The following GLIS3 variants were observed in gnomAD, a reference collection of about 807,000 sequenced individuals.
GLIS3 encodes GLIS family zinc finger 3, also known as zinc finger protein GLIS3.
Under a neutral mutation model 78.6 loss-of-function variants are expected in GLIS3, and 53 were observed. The observed-to-expected ratio is 0.67, with a 90% confidence interval of 0.54 to 0.85. The LOEUF is 0.85. Among genes scored for constraint, GLIS3 ranks in the 40% least tolerant of loss-of-function variants. The pLI, the probability that GLIS3 is intolerant of heterozygous loss-of-function variation, is 0.00. For missense variants in GLIS3, 1,703 were observed against 1,231.1 expected (o/e 1.38, Z -5.74); for synonymous variants, 684 against 509.9 (o/e 1.34, Z -4.60).
At chr9:4,349,893 G>T (rs529142224), upstream of GLIS3, among the ~76,000 whole-genome samples, 3 of 152,176 alleles carry the variant, frequency 2.0e-5, no homozygotes, top group African/African-American at 7.2e-5. Context: ...AGTTGAACTA[G>T]AAATCGATGA....
intron 2 of GLIS3, among the ~76,000 whole-genome samples, chr9:4,333,116 G>T (rs1817708848): frequency 6.6e-6 from 1 of 152,138 alleles, no homozygotes; most frequent in Non-Finnish European, 1.5e-5. Flanking sequence ...GCCAGGTGCT[G>T]CACTCTTATA....
At chr9:4,378,872 G>C in the GLIS3 span, among the ~76,000 whole-genome samples, 1 of 152,176 alleles carries the variant, frequency 6.6e-6, no homozygotes, top group East Asian at 1.9e-4. Flanking sequence ...GGCCGACCTG[G>C]AGACTGATTC....
intron 2 of GLIS3, among the ~76,000 whole-genome samples, chr9:4,332,197 C>G (rs7851175): frequency 6.6e-6 from 1 of 151,954 alleles, no homozygotes; most frequent in Non-Finnish European, 1.5e-5. Context: ...AAGAAAATAC[C>G]CCAATCCAAC....
chr9:4,305,899 T>C (rs971227983), intron 4 of GLIS3: 2 of 152,196 alleles, frequency 1.3e-5, no homozygotes, highest in African/African-American at 4.8e-5. Context: ...AATTTTTTCA[T>C]TTGTACAAGT....
intron 4 of GLIS3, among the ~76,000 whole-genome samples, chr9:3,963,583 T>C (rs1379204742): frequency 2.0e-5 from 3 of 152,180 alleles, no homozygotes; most frequent in Non-Finnish European, 2.9e-5. Flanking sequence ...CATCCTCTAA[T>C]GCAGAGACCA....
Position 4,129,148 on chromosome 9 carries a change from A to G in GLIS3, c.389-3207T>C, listed in dbSNP as rs569601107. ...CAATACAGCCATCTAAGTGTTTTTC[A>G]TAATGCCAGAAACATAATGAACACC... On this transcript the variant is annotated intron_variant, in intron 2 of 10. Coordinates refer to ENST00000381971, the MANE Select transcript of GLIS3 (RefSeq NM_001042413.2). 5.3e-5 allele frequency among the ~76,000 whole-genome samples: 8 copies of G among 152,312 alleles called. No homozygotes were observed. The East Asian group carries it at 1.5e-3, about 29-fold the overall frequency.
intron 4 of GLIS3, among the ~76,000 whole-genome samples, chr9:4,039,191 A>C (rs758735390): frequency 4.6e-5 from 7 of 152,216 alleles, no homozygotes; most frequent in Non-Finnish European, 7.3e-5. Context: ...TTAATAGGGC[A>C]CCTGGTTATT....
intron 6 of GLIS3, among the ~76,000 whole-genome samples, chr9:3,923,791 G>C (rs2130741680): frequency 6.6e-6 from 1 of 152,248 alleles, no homozygotes; most frequent in Admixed American, 6.5e-5. Context: ...TAATGCTGAT[G>C]GGCTATAGCC....
At chr9:4,385,710 GGAGA>G in the GLIS3 span, among the ~76,000 whole-genome samples, 741 of 93,142 alleles carry the variant, frequency 8.0e-3, 103 homozygotes, top group African/African-American at 0.024. Context: ...AACAAAGAAA[GGAGA>G]GAGAGAGAGA....
chr9:4,225,356 A>G (rs771901208), intron 2 of GLIS3, among the ~76,000 whole-genome samples: 25 of 152,168 alleles, frequency 1.6e-4, no homozygotes, highest in South Asian at 4.1e-4. Context: ...CTCTTTGGTA[A>G]TGGAACCTCT....
intron 4 of GLIS3, among the ~76,000 whole-genome samples, chr9:4,005,852 T>G (rs903567480): frequency 6.6e-6 from 1 of 152,202 alleles, no homozygotes; most frequent in Non-Finnish European, 1.5e-5. Flanking sequence ...AAAACATTTG[T>G]TAGGCAAATA....
chr9:4,018,891 G>A (rs931100535), intron 4 of GLIS3, among the ~76,000 whole-genome samples: 2 of 152,208 alleles, frequency 1.3e-5, no homozygotes, highest in African/African-American at 4.8e-5. Flanking sequence ...AGAAAAGCAA[G>A]TGTGAATAAT....
chr9:4,296,982 C>A (rs1167391336), intron 1 of GLIS3, among the ~76,000 whole-genome samples: 1 of 151,216 alleles, frequency 6.6e-6, no homozygotes, highest in Non-Finnish European at 1.5e-5. Flanking sequence ...CTCAGAACGA[C>A]CTTCATCGTG....
intron 4 of GLIS3, among the ~76,000 whole-genome samples, chr9:3,993,200 C>T (rs1820468668): frequency 6.6e-6 from 1 of 152,140 alleles, no homozygotes; most frequent in South Asian, 2.1e-4. Context: ...AACCCACTGA[C>T]AACATACCTG....
At chr9:4,125,310 G>A (rs538602483) in intron 3 of GLIS3, among the ~76,000 whole-genome samples, 33 of 152,288 alleles carry the variant, frequency 2.2e-4, no homozygotes, top group African/African-American at 7.9e-4. Flanking sequence ...TGCACAGATG[G>A]ACAAGACAGA....
At chr9:4,175,532 C>G (rs1816736609) in intron 2 of GLIS3, among the ~76,000 whole-genome samples, 1 of 152,172 alleles carries the variant, frequency 6.6e-6, no homozygotes, top group East Asian at 1.9e-4. Context: ...TAAACACACA[C>G]GAGGTTCTTA....
chr9:4,460,649 C>T, the GLIS3 span, among the ~76,000 whole-genome samples: 1 of 148,402 alleles, frequency 6.7e-6, no homozygotes, highest in African/African-American at 2.5e-5. Context: ...CCAAGAGGAG[C>T]TTAAAACAGT....
chr9:4,260,112 C>G lies in GLIS3; in HGVS notation c.388+25926G>C, dbSNP rs556409119. 1.3e-4 allele frequency among the ~76,000 whole-genome samples: 20 copies of G among 152,336 alleles called. No homozygotes were observed. In the South Asian group the frequency reaches 3.3e-3, roughly 25 times the overall value. On this transcript the variant is annotated intron_variant, in intron 2 of 10. Transcript: ENST00000381971. ...CTTCAGGCCAAATCCCCATACCCTT[C>G]AGCTGACCAGGTGTCTGATTAAGGT...
At chr9:3,976,061 C>G (rs770732639) in intron 4 of GLIS3, among the ~76,000 whole-genome samples, 16 of 152,112 alleles carry the variant, frequency 1.1e-4, no homozygotes, top group Admixed American at 2.0e-4. Flanking sequence ...CTGCTCACTG[C>G]TCAGGGAAAT....
Sources: allele counts gnomAD v4.1 joint callset (sites outside exome capture counted in the v4.1 genomes callset), GRCh38; gene constraint gnomAD v4.1.1; transcripts MANE v1.5; gene names NCBI Gene and HGNC (gene_info 2026-07-23, HGNC 2026-07-21).